Variants in EIF4E3 observed in about 807,000 individuals in gnomAD.
EIF4E3 encodes eukaryotic translation initiation factor 4E family member 3.
A neutral mutation model predicts 31.7 loss-of-function variants in EIF4E3; 26 were observed. That is an observed-to-expected ratio of 0.82 (90% CI 0.60 to 1.14). EIF4E3 has a LOEUF of 1.14. Among genes scored for constraint, EIF4E3 ranks in the 50% most tolerant of loss-of-function variants. The pLI, the probability that EIF4E3 is intolerant of heterozygous loss-of-function variation, is 0.00. For synonymous variants in EIF4E3, 128 were observed against 107.7 expected, an observed-to-expected ratio of 1.19 and a Z score of -1.17; for missense variants, 304 against 270.9, an observed-to-expected ratio of 1.12 and a Z score of -0.86.
chr3:71,748,854 A>G (rs1156469921), intron 1 of EIF4E3, among the ~76,000 whole-genome samples: 1 of 152,188 alleles, frequency 6.6e-6, no homozygotes, highest in Admixed American at 6.5e-5. Flanking sequence ...CCAGCAAGAC[A>G]AAATGGCAAC....
intron 4 of EIF4E3, 125 bp from the exon 5 acceptor site, chr3:71,694,066 G>C (rs2049101228): frequency 5.7e-6 from 5 of 876,884 alleles, no homozygotes; most frequent in Non-Finnish European, 8.3e-6. Flanking sequence ...CCCATACTTG[G>C]AGTCCACAGA....
At chr3:71,674,718 T>A (rs528742162), downstream of EIF4E3, among the ~76,000 whole-genome samples, 15 of 152,282 alleles carry the variant, frequency 9.9e-5, no homozygotes, top group Admixed American at 7.8e-4. Flanking sequence ...AAGCAGTTCA[T>A]TCTCTTCACT....
At chr3:71,749,961 T>G (rs931620794) in intron 1 of EIF4E3, among the ~76,000 whole-genome samples, 1 of 152,196 alleles carries the variant, frequency 6.6e-6, no homozygotes, top group African/African-American at 2.4e-5. Flanking sequence ...ATGTTGATAA[T>G]GAAAGAAGTA....
In EIF4E3 at chr3:71,681,666, C is replaced by A. The variant is rs1213700032; in HGVS notation, c.*3016G>T. On this transcript the variant is annotated 3_prime_UTR_variant, in exon 7 of 7. Coordinates refer to ENST00000425534, the MANE Select transcript of EIF4E3 (RefSeq NM_001134651.2). ...GGGATACAACTTGCCGACTTCAATA[C>A]CCAGCTCTGTGGCTGGCTAGCCCTA... 1 of 152,212 alleles carries A rather than the reference C, an allele frequency of 6.6e-6. No individual in the cohort carries two copies. The highest frequency in any genetic ancestry group is 2.4e-5 in the African/African-American group (1 of 41,446). The allele number at this position is 152,212 out of a possible 1,614,324, so 9.4% of individuals were successfully genotyped here.
chr3:71,675,996 G>A lies in EIF4E3; in HGVS notation c.*8686C>T, dbSNP rs704288. The A allele has an allele frequency of 1.3e-5, 2 of 152,144 alleles. No homozygotes were observed. Among genetic ancestry groups the A allele is most frequent in the African/African-American group, 4.8e-5 (2 of 41,410 alleles). The allele number at this position is 152,144 out of a possible 1,614,324, so 9.4% of individuals were successfully genotyped here. A position where few individuals can be genotyped will look rare whatever the true frequency, so the allele number is the denominator to read the frequency against. ...CAACAATGACAGCATCTACCTCGTA[G>A]AGTGTTGGGGAGAACTAACCTCTAT... On this transcript the variant is annotated 3_prime_UTR_variant, in exon 7 of 7. Transcript: ENST00000425534.
chr3:71,703,854 G>C (rs1247707709), intron 2 of EIF4E3, among the ~76,000 whole-genome samples: 2 of 148,100 alleles, frequency 1.4e-5, no homozygotes, highest in African/African-American at 5.0e-5. Flanking sequence ...TTTATTCCAA[G>C]GTTGTGGCAT....
chr3:71,729,797 A>ACTGTGT, upstream of EIF4E3, among the ~76,000 whole-genome samples: 1 of 52,256 alleles, frequency 1.9e-5, no homozygotes, highest in African/African-American at 8.7e-5. Context: ...ATTCCAATAG[A>ACTGTGT]ATGTGTGTGT....
chr3:71,660,351 A>C, the EIF4E3 span, among the ~76,000 whole-genome samples: 13 of 152,292 alleles, frequency 8.5e-5, no homozygotes, highest in South Asian at 2.1e-4. Context: ...AGAAAGAAAG[A>C]AAGCCAAGAA....
At chr3:71,684,805 G>A (rs749685562) in intron 6 of EIF4E3, 77 bp from the exon 7 acceptor site, 3 of 1,473,260 alleles carry the variant, frequency 2.0e-6, no homozygotes, top group African/African-American at 2.8e-5. Flanking sequence ...CCCTCCTCTA[G>A]GCATCTCATT....
chr3:71,716,469 G>A (rs186123684), intron 1 of EIF4E3, among the ~76,000 whole-genome samples: 3 of 152,182 alleles, frequency 2.0e-5, no homozygotes, highest in South Asian at 2.1e-4. Flanking sequence ...TCCTGACCTC[G>A]TGATCCACCT....
rs749992800 is a variant in EIF4E3, at chr3:71,690,115, C to A, written c.523G>T (p.Val175Phe). 1.9e-6 allele frequency: 3 copies of A among 1,613,398 alleles called. No individual in the cohort carries two copies. The highest frequency in any genetic ancestry group is 1.3e-5 in the African/African-American group (1 of 74,782). The change falls in exon 6 of 7, where the codon GTC (valine) becomes TTC (phenylalanine). Residue 175 changes from valine to phenylalanine, a missense_variant. By Grantham distance (50) the Val-to-Phe change is conservative. Transcript: ENST00000425534. ...SVSVRDREDVVQVWNVNASLV... is the reference protein window; with the variant it reads ...SVSVRDREDVFQVWNVNASLV... ...GAGGCATTTACATTCCAGACTTGGA[C>A]GACGTCTTCTCGGTCCCGAACACTG...
chr3:71,753,244 C>G (rs1305967862), intron 1 of EIF4E3, among the ~76,000 whole-genome samples: 2 of 152,208 alleles, frequency 1.3e-5, no homozygotes, highest in Non-Finnish European at 2.9e-5. Flanking sequence ...CCAAGCTCCC[C>G]AGCACACTGC....
At chr3:71,671,460 C>T (rs553840910), downstream of EIF4E3, among the ~76,000 whole-genome samples, 1 of 152,260 alleles carries the variant, frequency 6.6e-6, no homozygotes, top group East Asian at 1.9e-4. Flanking sequence ...GTATTGTGCT[C>T]ATTGCTGGAA....
intron 1 of EIF4E3, among the ~76,000 whole-genome samples, chr3:71,751,859 C>T (rs1220276746): frequency 6.6e-6 from 1 of 152,174 alleles, no homozygotes; most frequent in East Asian, 1.9e-4. Flanking sequence ...AGATTCAGTC[C>T]TTGAGCCAAT....
chr3:71,745,775 A>G (rs1360091172), intron 1 of EIF4E3, among the ~76,000 whole-genome samples: 5 of 152,208 alleles, frequency 3.3e-5, no homozygotes, highest in Admixed American at 3.3e-4. Context: ...CTTAACCACT[A>G]GAGAGAGTTT....
the EIF4E3 span, among the ~76,000 whole-genome samples, chr3:71,666,242 A>T: frequency 3.4e-5 from 5 of 147,196 alleles, no homozygotes; most frequent in East Asian, 9.7e-4. Flanking sequence ...AAATAGACAT[A>T]AAAAAAATGG....
intron 1 of EIF4E3, among the ~76,000 whole-genome samples, chr3:71,733,037 T>A (rs1376978476): frequency 1.3e-5 from 2 of 152,220 alleles, no homozygotes; most frequent in African/African-American, 4.8e-5. Flanking sequence ...TAACCCTACA[T>A]CTTCTCTGCT....
upstream of EIF4E3, chr3:71,754,448 C>T (rs2049979159): frequency 3.7e-6 from 5 of 1,341,162 alleles, no homozygotes; most frequent in East Asian, 1.6e-4. This position sits in a 1 kb window ranked among gnomAD's most constrained non-coding sequence, Gnocchi z 5.8. Flanking sequence ...ATGCAGAGCG[C>T]CTGGCCGGCT....
At chr3:71,721,437 CAG>C (rs1389200863) in intron 1 of EIF4E3, among the ~76,000 whole-genome samples, 1 of 152,142 alleles carries the variant, frequency 6.6e-6, no homozygotes, top group Admixed American at 6.5e-5. Context: ...CATTTCATAA[CAG>C]TGGTCAGGCA....
Sources: allele counts gnomAD v4.1 joint callset (sites outside exome capture counted in the v4.1 genomes callset), GRCh38; gene constraint gnomAD v4.1.1; non-coding constraint Gnocchi (gnomAD v3.1); transcripts MANE v1.5; gene names NCBI Gene and HGNC (gene_info 2026-07-23, HGNC 2026-07-21).